The following PDXDC1 variants were observed in gnomAD, a reference collection of about 807,000 sequenced individuals.
PDXDC1 encodes the protein pyridoxal-dependent decarboxylase domain-containing protein 1.
In PDXDC1, 42 loss-of-function variants were observed where a neutral mutation model predicts 100.1. The observed-to-expected ratio is 0.42, with a 90% CI of 0.33 to 0.54. The LOEUF is 0.54. Among genes scored for constraint, PDXDC1 ranks in the 20% least tolerant of loss-of-function variants. PDXDC1 has a pLI of 0.10. For missense variants in PDXDC1, 636 were observed against 979.2 expected (o/e 0.65, Z 4.68); for synonymous variants, 260 against 371.7 (o/e 0.70, Z 3.46).
At chr16:15,067,332 A>G (rs1424765831) in intron 16 of PDXDC1, among the ~76,000 whole-genome samples, 5 of 140,696 alleles carry the variant, frequency 3.6e-5, no homozygotes, top group African/African-American at 1.3e-4. Context: ...GAGCCAGACT[A>G]CATTTAAATC....
chr16:15,094,461 C>G (rs2046278940), intron 16 of PDXDC1: 1 of 575,954 alleles, frequency 1.7e-6, no homozygotes, highest in African/African-American at 1.9e-5. Flanking sequence ...TAAGGAGAGA[C>G]GGGAAGGACC....
At chr16:15,075,754 G>T (rs988666613) in intron 16 of PDXDC1, among the ~76,000 whole-genome samples, 117 of 152,082 alleles carry the variant, frequency 7.7e-4, no homozygotes, top group African/African-American at 2.7e-3. Flanking sequence ...AATCACAGAT[G>T]CCCCCTACCT....
intron 16 of PDXDC1, chr16:15,065,308 G>C: frequency 1.2e-6 from 2 of 1,613,736 alleles, no homozygotes; most frequent in Non-Finnish European, 1.7e-6. Flanking sequence ...TACTCCTAAT[G>C]ACTGGCAGCA....
At chr16:15,128,395 G>A (rs968077575) in intron 16 of PDXDC1, 2 of 1,528,320 alleles carry the variant, frequency 1.3e-6, no homozygotes, top group African/African-American at 1.4e-5. Flanking sequence ...GGTACCTGGA[G>A]GGCAAGAGGG....
At chr16:14,990,401 C>T (rs1374059456) in intron 1 of PDXDC1, among the ~76,000 whole-genome samples, 1 of 152,284 alleles carries the variant, frequency 6.6e-6, no homozygotes, top group African/African-American at 2.4e-5. Flanking sequence ...GATCATACAG[C>T]TATTTTGGCA....
Position 15,033,276 on chromosome 16 carries a change from A to C in PDXDC1, c.1691-2A>C, listed in dbSNP as rs1415692388. ...CTCAAGTTTGTCTCGTTACCTTTGC[A>C]GGCCCTGAGTATAAGAGCATGAAGA... On this transcript the variant is annotated splice_acceptor_variant, in intron 18 of 22. Coordinates refer to ENST00000396410, the MANE Select transcript of PDXDC1 (RefSeq NM_015027.4). LOFTEE classifies it high-confidence loss of function. 6.2e-7 allele frequency: 1 copy of C among 1,614,024 alleles called. No homozygotes were observed. Among genetic ancestry groups the C allele is most frequent in the Non-Finnish European group, 8.5e-7 (1 of 1,180,000 alleles).
chr16:15,057,178 C>T (rs1403519770), intron 16 of PDXDC1, among the ~76,000 whole-genome samples: 1 of 152,148 alleles, frequency 6.6e-6, no homozygotes, highest in Non-Finnish European at 1.5e-5. Flanking sequence ...TTACACACCC[C>T]GTTCAACAAA....
intron 5 of PDXDC1, 128 bp downstream of exon 5, chr16:15,004,461 A>G (rs1973848431): frequency 1.1e-5 from 12 of 1,116,830 alleles, no homozygotes; most frequent in South Asian, 3.0e-5. Context: ...TAACCTCTCA[A>G]TGCCTGTTTC....
intron 16 of PDXDC1, among the ~76,000 whole-genome samples, chr16:15,112,107 C>G (rs1054555707): frequency 3.4e-5 from 5 of 147,700 alleles, no homozygotes; most frequent in Non-Finnish European, 7.6e-5. Context: ...CATATTATCA[C>G]AGTATGCTTT....
intron 1 of PDXDC1, among the ~76,000 whole-genome samples, chr16:14,984,431 AAGTG>A (rs1567610973): frequency 9.2e-6 from 1 of 108,936 alleles, no homozygotes; most frequent in Non-Finnish European, 1.8e-5. Flanking sequence ...AATCACATAA[AAGTG>A]AGAGAGAGAG....
chr16:15,099,972 G>T (rs2046483281), intron 16 of PDXDC1, among the ~76,000 whole-genome samples: 1 of 152,314 alleles, frequency 6.6e-6, no homozygotes, highest in South Asian at 2.1e-4. Flanking sequence ...CAGAAAAGGA[G>T]AATTTGTTCT....
intron 16 of PDXDC1, chr16:15,072,865 G>T: frequency 7.6e-7 from 1 of 1,323,764 alleles, no homozygotes. Flanking sequence ...TTTACTTCAT[G>T]GTCTCCGTCC....
At chr16:15,065,252 G>A (rs376645872) in intron 16 of PDXDC1, 5 of 1,613,714 alleles carry the variant, frequency 3.1e-6, no homozygotes, top group Admixed American at 3.3e-5. Context: ...GGGGAAGAAG[G>A]TGTCCAGCGG....
chr16:15,003,353 ATTACAGGTGCCCACCACCAGGC>A (rs1206590278), intron 4 of PDXDC1, among the ~76,000 whole-genome samples: 1 of 151,960 alleles, frequency 6.6e-6, no homozygotes, highest in Non-Finnish European at 1.5e-5. Flanking sequence ...AGTAGCTGGG[ATTACAGGTGCCCACCACCAGGC>A]CCGGCTAATT....
At chr16:14,984,315 C>CTTTTTTT (rs1167894912) in intron 1 of PDXDC1, among the ~76,000 whole-genome samples, 1 of 106,840 alleles carries the variant, frequency 9.4e-6, no homozygotes. Flanking sequence ...GCACCCCCGC[C>CTTTTTTT]TTTTTTTTTT....
At chr16:15,098,029 G>A (rs1490587648) in intron 16 of PDXDC1, among the ~76,000 whole-genome samples, 6 of 131,138 alleles carry the variant, frequency 4.6e-5, no homozygotes, top group Non-Finnish European at 6.2e-5. Context: ...CTCCCACCTC[G>A]GCCTCCCAAA....
At chr16:14,978,869 T>C (rs1967303571) in intron 1 of PDXDC1, among the ~76,000 whole-genome samples, 3 of 152,294 alleles carry the variant, frequency 2.0e-5, no homozygotes, top group South Asian at 4.1e-4. Context: ...ACTAGTGATA[T>C]TTTGGGTCAG....
intron 16 of PDXDC1, among the ~76,000 whole-genome samples, chr16:15,031,426 A>G (rs913677913): frequency 6.6e-6 from 1 of 152,058 alleles, no homozygotes; most frequent in Admixed American, 6.5e-5. Flanking sequence ...TGCTGAACCT[A>G]TGGTGTGATG....
chr16:14,993,754 C>T (rs1448969062), intron 1 of PDXDC1, among the ~76,000 whole-genome samples: 25 of 152,400 alleles, frequency 1.6e-4, no homozygotes, highest in Middle Eastern at 3.4e-3. Context: ...TTTAGAGTCC[C>T]GCCAACAGTG....
Sources: gnomAD v4.1 joint callset for allele counts (sites outside exome capture counted in the v4.1 genomes callset) on GRCh38, gnomAD v4.1.1 for gene constraint, MANE v1.5 for transcripts, NCBI Gene and HGNC (gene_info 2026-07-23, HGNC 2026-07-21) for gene names.